Variants in RSRC2 observed in about 807,000 individuals in gnomAD.
RSRC2 encodes arginine and serine rich coiled-coil 2.
RSRC2 carries 5 observed loss-of-function variants against 61.3 expected under a neutral mutation model. The ratio of observed to expected loss-of-function variants is 0.08; its 90% confidence interval spans 0.04 to 0.17. The LOEUF (loss-of-function observed/expected upper bound fraction) is 0.17, where lower values mean the gene tolerates loss of function less well. Among genes scored for constraint, RSRC2 ranks in the 10% least tolerant of loss-of-function variants. The probability of loss-of-function intolerance (pLI) is 1.00; values close to 1 mark genes in which losing one functional copy is unlikely to be tolerated. For missense variants in RSRC2, 381 were observed against 518.8 expected, an observed-to-expected ratio of 0.73 and a Z score of 2.58; for synonymous variants, 202 against 166.5, an observed-to-expected ratio of 1.21 and a Z score of -1.64.
chr12:122,512,515 G>T (rs968149815), intron 6 of RSRC2, among the ~76,000 whole-genome samples: 4 of 152,068 alleles, frequency 2.6e-5, no homozygotes, highest in African/African-American at 9.7e-5. Flanking sequence ...ATCACCTGAG[G>T]TCAGGAGTTA....
intron 3 of RSRC2, chr12:122,520,968 G>T: frequency 4.7e-6 from 1 of 214,790 alleles, no homozygotes. Context: ...AAAGAAAAGA[G>T]AACTCCTGTT....
chr12:122,513,305 AAC>A (rs1471907406), intron 6 of RSRC2, among the ~76,000 whole-genome samples: 22 of 151,626 alleles, frequency 1.5e-4, no homozygotes, highest in African/African-American at 4.6e-4. Flanking sequence ...GTATTTCCTA[AAC>A]AGTTTTAAAT....
chr12:122,520,073 A>G (rs1316099717), intron 3 of RSRC2: 1 of 157,702 alleles, frequency 6.3e-6, no homozygotes, highest in Non-Finnish European at 1.4e-5. Flanking sequence ...TGCCCACGCT[A>G]CCACTTTTCC....
rs1959206622 is a variant in RSRC2 at position 122,521,439 on chromosome 12, A to G, written c.164-11T>C. 1 of 1,610,858 alleles carries G rather than the reference A, an allele frequency of 6.2e-7. No homozygotes were observed. ...TTCTTCCTTCATTATCTGTGAATAC[A>G]CAAAAAAAATAATCACCATAAACAA... On this transcript the variant is annotated splice_polypyrimidine_tract_variant and intron_variant, in intron 2 of 9. Coordinates refer to ENST00000331738, the MANE Select transcript of RSRC2 (RefSeq NM_023012.6).
chr12:122,526,570 T>TAA (rs1471103911), intron 1 of RSRC2, among the ~76,000 whole-genome samples: 69 of 151,346 alleles, frequency 4.6e-4, no homozygotes, highest in African/African-American at 1.6e-3. Flanking sequence ...TAAGCGAAAA[T>TAA]GGAGGAAGTT....
chr12:122,515,086 A>G lies in RSRC2; in HGVS notation c.725+19T>C. The G allele has an allele frequency of 6.2e-7, 1 of 1,604,648 alleles. No homozygotes were observed. Among genetic ancestry groups the G allele is most frequent in the South Asian group, 1.1e-5 (1 of 88,592 alleles). ...ATTTAAAGGCGAACTGGAACAAATG[A>G]ATTAAGAAATATACACACCTTCTAG... On this transcript the variant is annotated intron_variant, in intron 6 of 9. Transcript: ENST00000331738.
chr12:122,516,058 G>T (rs1183635391), intron 5 of RSRC2, among the ~76,000 whole-genome samples: 1 of 152,028 alleles, frequency 6.6e-6, no homozygotes, highest in Non-Finnish European at 1.5e-5. Flanking sequence ...AATTGGTAAG[G>T]TTCAAAGTAG....
At chr12:122,523,892 A>C (rs1033385659) in intron 1 of RSRC2, 8 of 152,228 alleles carry the variant, frequency 5.3e-5, no homozygotes, top group Non-Finnish European at 1.2e-4. Context: ...TAAATTAAAA[A>C]CAGAAAGGTT....
chr12:122,504,519 GGGAGGT>G lies in RSRC2; in HGVS notation c.*1002_*1007del, dbSNP rs1472143636. On this transcript the variant is annotated 3_prime_UTR_variant, in exon 10 of 10. Transcript: ENST00000331738. The stretch of plus-strand genomic sequence containing the variant: ...GGTACGCCTGTAATCCCAGTTACAT[GGGAGGT>G]GGAGGTGGGAGAATTGCTTGAACCT... 2 of 152,188 alleles carry G rather than the reference GGGAGGT, an allele frequency of 1.3e-5. No individual in the cohort carries two copies. The highest frequency in any genetic ancestry group is 1.3e-4 in the Admixed American group (2 of 15,268). 9.4% of individuals were successfully genotyped at this position (152,188 alleles called of 1,614,324 possible).
At chr12:122,513,848 G>A in intron 6 of RSRC2, 5 of 981,034 alleles carry the variant, frequency 5.1e-6, no homozygotes, top group Non-Finnish European at 6.1e-6. Flanking sequence ...TTACCAGCCT[G>A]GGCAACATAG....
chr12:122,516,696 C>T (rs1366689652), intron 5 of RSRC2, among the ~76,000 whole-genome samples: 1 of 152,074 alleles, frequency 6.6e-6, no homozygotes, highest in Non-Finnish European at 1.5e-5. Flanking sequence ...TTGAACACAA[C>T]TGAATTTGTT....
chr12:122,526,199 A>T (rs1266058023), intron 1 of RSRC2: 1 of 152,336 alleles, frequency 6.6e-6, no homozygotes, highest in Non-Finnish European at 1.5e-5. Flanking sequence ...CAAATTGATT[A>T]CATCACGGGC....
At chr12:122,524,369 T>G (rs1286173241) in intron 1 of RSRC2, among the ~76,000 whole-genome samples, 2 of 152,208 alleles carry the variant, frequency 1.3e-5, no homozygotes, top group African/African-American at 4.8e-5. Context: ...GCACCGCTAT[T>G]ACTTCTCTCA....
At chr12:122,520,421 ATTAAT>A (rs780478049) in intron 3 of RSRC2, 2 of 794,934 alleles carry the variant, frequency 2.5e-6, no homozygotes, top group Non-Finnish European at 3.9e-6. Context: ...TAACATTACT[ATTAAT>A]TTAAAAAAAA....
rs2137487411 is a variant in RSRC2 at position 122,515,221 on chromosome 12, T to C, written c.609A>G (p.Arg203=). The C allele has an allele frequency of 1.2e-6, 2 of 1,613,752 alleles. No homozygotes were observed. The highest frequency in any genetic ancestry group is 1.7e-6 in the Non-Finnish European group (2 of 1,179,886). Residue 203 remains arginine (R), a synonymous_variant, in exon 6 of 10, where the codon AGA becomes AGG. Transcript: ENST00000331738. ...TTCTCGGCTTTTCAATTCTCTTCTT[T>C]CTATCTCTGTAGTAAATCGTATTTC... ...RSRTRSRSRD[R]KKRIEKPRRF... is the part of the protein sequence containing the mutation.
At chr12:122,520,532 C>T in intron 3 of RSRC2, 1 of 1,367,346 alleles carries the variant, frequency 7.3e-7, no homozygotes, top group Non-Finnish European at 9.8e-7. Context: ...TATTATTTTG[C>T]TATCTGAGTC....
At chr12:122,512,126 C>T (rs1243662269) in intron 6 of RSRC2, among the ~76,000 whole-genome samples, 3 of 152,168 alleles carry the variant, frequency 2.0e-5, no homozygotes, top group Admixed American at 6.5e-5. Context: ...TGCTTGTTCT[C>T]TCTACTCACT....
chr12:122,515,316 C>G, intron 5 of RSRC2, 89 bp from the exon 6 acceptor site: 1 of 1,286,058 alleles, frequency 7.8e-7, no homozygotes. Context: ...ACAAAAATCC[C>G]AACGATACAA....
Position 122,515,214 on chromosome 12 carries a change from T to G in RSRC2, c.616A>C (p.Arg206=). 1 of 1,613,968 alleles carries G rather than the reference T, an allele frequency of 6.2e-7. No homozygotes were observed. The highest frequency in any genetic ancestry group is 1.1e-5 in the South Asian group (1 of 91,012). The change falls in exon 6 of 10, where the codon AGA becomes CGA. Residue 206 remains arginine, a synonymous_variant. Coordinates refer to ENST00000331738, the MANE Select transcript of RSRC2 (RefSeq NM_023012.6). ...CTAAATCTTCTCGGCTTTTCAATTC[T>G]CTTCTTTCTATCTCTGTAGTAAATC... The part of the protein sequence containing the change: ...TRSRSRDRKK[R]IEKPRRFSRS...
Sources: gnomAD v4.1 joint callset for allele counts (sites outside exome capture counted in the v4.1 genomes callset) on GRCh38, gnomAD v4.1.1 for gene constraint, MANE v1.5 for transcripts, NCBI Gene and HGNC (gene_info 2026-07-23, HGNC 2026-07-21) for gene names.